Variants in ANKRD17 observed in about 807,000 individuals in gnomAD.
The protein encoded by ANKRD17 is ankyrin repeat domain 17.
ANKRD17 carries 19 observed loss-of-function variants against 229.7 expected under a neutral mutation model. That is an observed-to-expected ratio of 0.08 (90% CI 0.06 to 0.12). The LOEUF (loss-of-function observed/expected upper bound fraction) is 0.12, where lower values mean the gene tolerates loss of function less well. Ranked by LOEUF, ANKRD17 falls within the 10% of genes least tolerant of loss-of-function variation. ANKRD17 has a pLI of 1.00. For synonymous variants in ANKRD17, 1,112 were observed against 1,146.1 expected (o/e 0.97, Z 0.60); for missense variants, 2,176 against 3,176.8 (o/e 0.68, Z 7.57).
At chr4:73,180,711 C>T (rs1272207644) in intron 1 of ANKRD17, among the ~76,000 whole-genome samples, 1 of 152,052 alleles carries the variant, frequency 6.6e-6, no homozygotes, top group South Asian at 2.1e-4. Flanking sequence ...TTATTATTTC[C>T]TCCCTATCCC....
At chr4:73,202,856 G>C (rs1046448510) in intron 1 of ANKRD17, among the ~76,000 whole-genome samples, 11 of 152,172 alleles carry the variant, frequency 7.2e-5, no homozygotes, top group Admixed American at 5.2e-4. Flanking sequence ...AACAGAAACA[G>C]ATGTAGAATT....
chr4:73,191,339 ATATGTGTG>A (rs1490924318), intron 1 of ANKRD17, among the ~76,000 whole-genome samples: 14 of 60,848 alleles, frequency 2.3e-4, no homozygotes, highest in African/African-American at 6.6e-4. Flanking sequence ...CAAAAAATAT[ATATGTGTG>A]TGTGTGTGTG....
intron 1 of ANKRD17, among the ~76,000 whole-genome samples, chr4:73,201,966 G>A (rs1204832182): frequency 1.3e-5 from 2 of 152,066 alleles, no homozygotes; most frequent in Non-Finnish European, 2.9e-5. Flanking sequence ...TTTCTATTGA[G>A]TACATATTAC....
At chr4:73,189,403 GTTTTTTTT>G (rs763345325) in intron 1 of ANKRD17, among the ~76,000 whole-genome samples, 2,829 of 112,712 alleles carry the variant, frequency 0.025, 31 homozygotes, top group Middle Eastern at 0.056. Flanking sequence ...TGCCTGGAAT[GTTTTTTTT>G]TTTTTTTTTT....
chr4:73,110,858 A>C (rs567060386), intron 24 of ANKRD17, among the ~76,000 whole-genome samples: 1 of 152,356 alleles, frequency 6.6e-6, no homozygotes, highest in African/African-American at 2.4e-5. Context: ...ATGATTAAGA[A>C]TTCTTCATTA....
chr4:73,138,236 A>C (rs560429166), intron 15 of ANKRD17, among the ~76,000 whole-genome samples: 1 of 152,264 alleles, frequency 6.6e-6, no homozygotes, highest in Non-Finnish European at 1.5e-5. Context: ...TCAAATCTAT[A>C]GAAAAATTTT....
At chr4:73,184,267 A>C (rs927643370) in intron 1 of ANKRD17, among the ~76,000 whole-genome samples, 2 of 152,164 alleles carry the variant, frequency 1.3e-5, no homozygotes, top group African/African-American at 4.8e-5. Context: ...GCGGTGGCTC[A>C]CGCCTAATCC....
At chr4:73,179,409 TATATATGTGTGTGC>T (rs1199748620) in intron 1 of ANKRD17, among the ~76,000 whole-genome samples, 6 of 146,270 alleles carry the variant, frequency 4.1e-5, no homozygotes, top group Admixed American at 3.4e-4. Flanking sequence ...TTAAATTATA[TATATATGTGTGTGC>T]ATATATGTGT....
At position 73,141,756 on chromosome 4, in the gene ANKRD17, G is replaced by T; in HGVS notation, c.2317C>A (p.Pro773Thr). 6.2e-7 allele frequency: 1 copy of T among 1,613,686 alleles called. No homozygotes were observed. The highest frequency in any genetic ancestry group is 8.5e-7 in the Non-Finnish European group (1 of 1,179,684). ...TATAACTGACCTTTATTCCTGATGG[G>T]AAGAGTGGTGGCAACATTGGCAGGT... ...KPPANVATTL[P>T]IRNKAASKQK... Residue 773 changes from proline (P) to threonine (T), a missense_variant, in exon 14 of 34, where the codon CCC becomes ACC. By Grantham distance (38) the Pro-to-Thr change is conservative. Coordinates refer to ENST00000358602, the MANE Select transcript of ANKRD17 (RefSeq NM_032217.5).
At chr4:73,241,453 T>C (rs113272285) in intron 1 of ANKRD17, among the ~76,000 whole-genome samples, 3,018 of 152,242 alleles carry the variant, frequency 0.02, 100 homozygotes, top group African/African-American at 0.069. Flanking sequence ...TGCTACAACA[T>C]AAATGAACCT....
intron 1 of ANKRD17, among the ~76,000 whole-genome samples, chr4:73,244,460 A>T (rs751523349): frequency 5.3e-5 from 8 of 152,100 alleles, no homozygotes; most frequent in Non-Finnish European, 1.0e-4. Context: ...ATTAAAAATT[A>T]AAAAAAATTT....
chr4:73,107,563 A>G (rs934066262), intron 24 of ANKRD17, among the ~76,000 whole-genome samples: 6 of 152,240 alleles, frequency 3.9e-5, no homozygotes, highest in Admixed American at 3.9e-4. Context: ...GTATGGAGAC[A>G]AATGGAGGGT....
intron 1 of ANKRD17, among the ~76,000 whole-genome samples, chr4:73,199,431 G>T (rs1738359474): frequency 6.6e-6 from 1 of 152,060 alleles, no homozygotes. Flanking sequence ...ACTTTATATA[G>T]AGTACCCCTA....
chr4:73,172,265 C>A lies in ANKRD17; in HGVS notation c.547+5115G>T, dbSNP rs146519094. 2.5e-3 allele frequency among the ~76,000 whole-genome samples: 375 copies of A among 152,234 alleles called. 3 individuals are homozygous for A. Among genetic ancestry groups the A allele is most frequent in the African/African-American group, 8.7e-3 (362 of 41,556 alleles). On this transcript the variant is annotated intron_variant, in intron 2 of 33. Coordinates refer to ENST00000358602, the MANE Select transcript of ANKRD17 (RefSeq NM_032217.5). Reference sequence around the variant, plus strand: ...AACCTTACAGCCCAGGAGAGAGTGGCATGACATAAAGTACTGAAGGCAAAA... The same window carrying A: ...AACCTTACAGCCCAGGAGAGAGTGGAATGACATAAAGTACTGAAGGCAAAA...
rs951443386 is a variant in ANKRD17 at position 73,074,751 on chromosome 4, A to C, written c.*1480T>G. 6.6e-6 allele frequency: 1 copy of C among 152,310 alleles called. No homozygotes were observed. Among genetic ancestry groups the C allele is most frequent in the African/African-American group, 2.4e-5 (1 of 41,378 alleles). 9.4% of individuals were successfully genotyped at this position (152,310 alleles called of 1,614,324 possible). ...TTATGTTTTACCAGTGTGAAATTTT[A>C]TGTCTAATTAAAAAAAAAGAAGACA... On this transcript the variant is annotated 3_prime_UTR_variant, in exon 34 of 34. Transcript: ENST00000358602.
At chr4:73,117,331 T>C (rs1726095429) in intron 22 of ANKRD17, among the ~76,000 whole-genome samples, 1 of 152,148 alleles carries the variant, frequency 6.6e-6, no homozygotes, top group African/African-American at 2.4e-5. Flanking sequence ...TAATGGGAGA[T>C]AAGATCTACA....
At chr4:73,220,809 A>G (rs1180070431) in intron 1 of ANKRD17, among the ~76,000 whole-genome samples, 5 of 152,180 alleles carry the variant, frequency 3.3e-5, no homozygotes, top group African/African-American at 9.6e-5. Flanking sequence ...AACTTCAAGT[A>G]GCTCAATATT....
chr4:73,246,988 A>G (rs563716370), intron 1 of ANKRD17, among the ~76,000 whole-genome samples: 34 of 152,170 alleles, frequency 2.2e-4, no homozygotes, highest in Non-Finnish European at 4.1e-4. Flanking sequence ...TTTACTAAAC[A>G]ATAAATTTTT....
intron 16 of ANKRD17, among the ~76,000 whole-genome samples, chr4:73,129,740 A>AC (rs1406587534): frequency 1.3e-5 from 2 of 151,816 alleles, no homozygotes; most frequent in South Asian, 2.1e-4. Flanking sequence ...AACAACAACA[A>AC]AAAAGTACAT....
Sources: gnomAD v4.1 joint callset for allele counts (sites outside exome capture counted in the v4.1 genomes callset) on GRCh38, gnomAD v4.1.1 for gene constraint, MANE v1.5 for transcripts, NCBI Gene and HGNC (gene_info 2026-07-23, HGNC 2026-07-21) for gene names.